GRID1: variants seen among roughly 807,000 people sequenced by gnomAD.
The protein encoded by GRID1 is glutamate ionotropic receptor delta type subunit 1, also known as glutamate receptor ionotropic, delta-1.
GRID1 carries 28 observed loss-of-function variants against 98.0 expected under a neutral mutation model. The observed-to-expected ratio is 0.29, with a 90% CI of 0.21 to 0.39. The LOEUF (loss-of-function observed/expected upper bound fraction) is 0.39, where lower values mean the gene tolerates loss of function less well. Ranked by LOEUF, GRID1 falls within the 10% of genes least tolerant of loss-of-function variation. GRID1 has a pLI of 1.00. For missense variants in GRID1, 1,111 were observed against 1,340.5 expected (o/e 0.83, Z 2.67); for synonymous variants, 553 against 538.5 (o/e 1.03, Z -0.37).
intron 4 of GRID1, among the ~76,000 whole-genome samples, chr10:86,022,177 T>C (rs1369368546): frequency 6.6e-6 from 1 of 152,232 alleles, no homozygotes; most frequent in Non-Finnish European, 1.5e-5. Flanking sequence ...ATCTAAACGC[T>C]AAATTTTCAT....
At chr10:85,639,190 A>G (rs1487027185) in intron 13 of GRID1, among the ~76,000 whole-genome samples, 2 of 152,358 alleles carry the variant, frequency 1.3e-5, no homozygotes, top group East Asian at 3.9e-4. Context: ...TTGGAGAATA[A>G]ATAAACAAAT....
intron 8 of GRID1, among the ~76,000 whole-genome samples, chr10:85,848,623 CAG>C (rs141901009): frequency 6.6e-6 from 1 of 152,278 alleles, no homozygotes; most frequent in East Asian, 1.9e-4. Context: ...GAAAATACAA[CAG>C]AAACATTAAC....
At chr10:86,171,379 G>A (rs190815020) in intron 3 of GRID1, among the ~76,000 whole-genome samples, 1 of 152,308 alleles carries the variant, frequency 6.6e-6, no homozygotes, top group Admixed American at 6.5e-5. Context: ...CCAGTTCTGT[G>A]GGTCAGCTAG....
intron 3 of GRID1, among the ~76,000 whole-genome samples, chr10:86,174,104 G>T (rs1157771753): frequency 6.6e-6 from 1 of 152,106 alleles, no homozygotes; most frequent in Non-Finnish European, 1.5e-5. Context: ...TAATGGGATG[G>T]CTGGGTCAAA....
chr10:86,006,355 T>C (rs1842860018), intron 4 of GRID1, among the ~76,000 whole-genome samples: 1 of 152,230 alleles, frequency 6.6e-6, no homozygotes, highest in Non-Finnish European at 1.5e-5. Flanking sequence ...GCATGGTGGC[T>C]CATGCCTATA....
In GRID1 at chr10:85,630,786, C is replaced by T. The variant is rs557377145; in HGVS notation, c.2194-10753G>A. ...CCCACCAAATAAGAGACTCTTGGAA[C>T]GAGGTCCAAAATGCTATGTTTTAAT... is the stretch of plus-strand genomic sequence containing the variant. On this transcript the variant is annotated intron_variant, in intron 13 of 15. Transcript: ENST00000327946. Among the ~76,000 whole-genome samples, 25 of 152,256 alleles carry T rather than the reference C, an allele frequency of 1.6e-4. No homozygotes were observed. In the South Asian group the frequency reaches 3.1e-3, roughly 19 times the overall value.
chr10:85,670,926 A>T (rs1215351858), intron 12 of GRID1, among the ~76,000 whole-genome samples: 1 of 152,164 alleles, frequency 6.6e-6, no homozygotes, highest in African/African-American at 2.4e-5. Context: ...GGGCTGAGAT[A>T]AGCGCCTCCA....
At chr10:86,032,829 TA>T (rs58350170) in intron 4 of GRID1, among the ~76,000 whole-genome samples, 1,965 of 109,848 alleles carry the variant, frequency 0.018, 22 homozygotes, top group Middle Eastern at 0.027. Context: ...AATAAATACT[TA>T]AAAAAAAAAA....
intron 2 of GRID1, among the ~76,000 whole-genome samples, chr10:86,279,203 A>G (rs928108148): frequency 5.3e-5 from 8 of 152,132 alleles, no homozygotes; most frequent in East Asian, 1.9e-4. Context: ...GCAGTCTACA[A>G]CTCAGAAGAG....
chr10:86,255,040 T>A (rs1589427936), intron 2 of GRID1, among the ~76,000 whole-genome samples: 2 of 152,066 alleles, frequency 1.3e-5, no homozygotes, highest in East Asian at 3.9e-4. Context: ...CTGCCCTTGG[T>A]CATAGCCACT....
At chr10:85,634,579 T>A (rs187794927) in intron 13 of GRID1, among the ~76,000 whole-genome samples, 111 of 152,286 alleles carry the variant, frequency 7.3e-4, no homozygotes, top group African/African-American at 2.5e-3. Context: ...TTGCATTCCT[T>A]ATTTGCAAAA....
chr10:86,192,474 C>A lies in GRID1; in HGVS notation c.520+13890G>T, dbSNP rs997859583. 1.1e-4 allele frequency among the ~76,000 whole-genome samples: 17 copies of A among 151,800 alleles called. No homozygotes were observed. The highest frequency in any genetic ancestry group is 7.9e-4 in the Admixed American group (12 of 15,236). ...GGTACGAGTCCACTTATATGAGGCC[C>A]CTAGAATAGTCAAAGTCAAGAGACA... is the stretch of plus-strand genomic sequence containing the variant. On this transcript the variant is annotated intron_variant, in intron 3 of 15. Transcript: ENST00000327946. The surrounding 1 kb of genome is among the most constrained non-coding windows in gnomAD (Gnocchi z 4.8).
At chr10:85,712,534 A>C (rs1304936643) in intron 12 of GRID1, among the ~76,000 whole-genome samples, 1 of 151,936 alleles carries the variant, frequency 6.6e-6, no homozygotes, top group Non-Finnish European at 1.5e-5. Context: ...AAAGTCAATA[A>C]GTAAAAGCAG....
intron 3 of GRID1, among the ~76,000 whole-genome samples, chr10:86,141,503 C>T (rs1001421118): frequency 1.3e-5 from 2 of 152,228 alleles, no homozygotes; most frequent in African/African-American, 4.8e-5. Context: ...AGCTGGAGGA[C>T]ATCTCAGCAC....
intron 2 of GRID1, among the ~76,000 whole-genome samples, chr10:86,360,476 C>A (rs569743246): frequency 2.6e-5 from 4 of 152,172 alleles, no homozygotes; most frequent in Non-Finnish European, 4.4e-5. Flanking sequence ...TATATTAATA[C>A]ATGCTCATTG....
At chr10:85,751,115 C>T (rs1427742963) in intron 8 of GRID1, among the ~76,000 whole-genome samples, 1 of 152,152 alleles carries the variant, frequency 6.6e-6, no homozygotes, top group African/African-American at 2.4e-5. Flanking sequence ...TGTTTACATT[C>T]TTGCAATCTC....
At chr10:85,904,937 A>G (rs1277692877) in intron 5 of GRID1, among the ~76,000 whole-genome samples, 1 of 152,152 alleles carries the variant, frequency 6.6e-6, no homozygotes, top group Non-Finnish European at 1.5e-5. Flanking sequence ...ATTAGAAAAT[A>G]TAAAAGATTT....
At chr10:85,798,550 T>C (rs762304593) in intron 8 of GRID1, among the ~76,000 whole-genome samples, 8 of 152,178 alleles carry the variant, frequency 5.3e-5, no homozygotes, top group Non-Finnish European at 1.0e-4. Flanking sequence ...TTTTTTGTAA[T>C]AGCCATTCTA....
At chr10:85,882,384 C>T (rs1841044840) in intron 5 of GRID1, among the ~76,000 whole-genome samples, 2 of 152,210 alleles carry the variant, frequency 1.3e-5, no homozygotes, top group South Asian at 4.1e-4. Flanking sequence ...AAATGTCCAA[C>T]AATGATAGAC....
Sources: allele counts gnomAD v4.1 joint callset (sites outside exome capture counted in the v4.1 genomes callset), GRCh38; gene constraint gnomAD v4.1.1; non-coding constraint Gnocchi (gnomAD v3.1); transcripts MANE v1.5; gene names NCBI Gene and HGNC (gene_info 2026-07-23, HGNC 2026-07-21).